Variants in YAP1 observed in about 807,000 individuals in gnomAD.
The protein encoded by YAP1 is transcriptional coactivator YAP1.
A neutral mutation model predicts 56.9 loss-of-function variants in YAP1; 5 were observed. The ratio of observed to expected loss-of-function variants is 0.09; its 90% CI spans 0.05 to 0.18. The LOEUF (loss-of-function observed/expected upper bound fraction) is 0.18, where lower values mean the gene tolerates loss of function less well. Among genes scored for constraint, YAP1 ranks in the 10% least tolerant of loss-of-function variants. The probability of loss-of-function intolerance (pLI) is 1.00; values close to 1 mark genes in which losing one functional copy is unlikely to be tolerated. For synonymous variants in YAP1, 265 were observed against 248.1 expected (o/e 1.07, Z -0.64); for missense variants, 539 against 651.8 (o/e 0.83, Z 1.88).
intron 1 of YAP1, 71 bp from the exon 2 acceptor site, chr11:102,114,073 G>C: frequency 6.7e-7 from 1 of 1,485,166 alleles, no homozygotes; most frequent in South Asian, 1.4e-5. Flanking sequence ...ATTAAGCGCT[G>C]ACTGGGAAAT....
chr11:102,229,145 G>T (rs1762222003), intron 8 of YAP1, among the ~76,000 whole-genome samples: 1 of 152,240 alleles, frequency 6.6e-6, no homozygotes, highest in African/African-American at 2.4e-5. Context: ...GGCCAAGTAA[G>T]TTTGGGAAAC....
intron 1 of YAP1, 33 bp downstream of exon 1, chr11:102,111,202 T>C (rs1473133242): frequency 5.0e-6 from 8 of 1,605,974 alleles, no homozygotes; most frequent in South Asian, 1.1e-5. Flanking sequence ...CGTTTCCCCG[T>C]CGGGCGGGCC....
chr11:102,220,847 G>A (rs1011243603), intron 6 of YAP1, among the ~76,000 whole-genome samples: 16 of 152,294 alleles, frequency 1.1e-4, no homozygotes, highest in Admixed American at 7.8e-4. Context: ...GTATCATTTC[G>A]GTGTAAAGGC....
chr11:102,120,023 T>G (rs1381552100), intron 2 of YAP1, among the ~76,000 whole-genome samples: 1 of 152,206 alleles, frequency 6.6e-6, no homozygotes, highest in Non-Finnish European at 1.5e-5. Flanking sequence ...AAGAGCTGTG[T>G]CGTTCTATAA....
At chr11:102,123,715 C>CT (rs1490687247) in intron 2 of YAP1, among the ~76,000 whole-genome samples, 2 of 146,604 alleles carry the variant, frequency 1.4e-5, no homozygotes, top group East Asian at 4.2e-4. Context: ...TCTCGTCTCA[C>CT]TGCAAGCTCC....
Position 102,131,188 on chromosome 11 carries a change from C to G in YAP1, c.572+16794C>G, listed in dbSNP as rs575288906. ...ACTTGCTTTGATGTAGTTATAGTTT[C>G]TAAAACTGTAGCCCAAAAGAGTAGC... On this transcript the variant is annotated intron_variant, in intron 2 of 8. Coordinates refer to ENST00000282441, the MANE Select transcript of YAP1 (RefSeq NM_001130145.3). Among the ~76,000 whole-genome samples, 7 of 152,294 alleles carry G rather than the reference C, an allele frequency of 4.6e-5. No homozygotes were observed. In the South Asian group the frequency reaches 1.5e-3, roughly 32 times the overall value.
Position 102,183,815 on chromosome 11 carries a change from G to A in YAP1, c.689-2203G>A, listed in dbSNP as rs373346467. ...ATGAGGGCCGGGCGCGGTGGCTCACGCCTGTAATCCCAGCACTTTGGGAGG... is the reference window on the plus strand; with the variant it reads ...ATGAGGGCCGGGCGCGGTGGCTCACACCTGTAATCCCAGCACTTTGGGAGG... On this transcript the variant is annotated intron_variant, in intron 3 of 8. Coordinates refer to ENST00000282441, the MANE Select transcript of YAP1 (RefSeq NM_001130145.3). Among the ~76,000 whole-genome samples, 60 of 151,860 alleles carry A rather than the reference G, an allele frequency of 4.0e-4. No individual in the cohort carries two copies. In the East Asian group the frequency reaches 0.011, roughly 28 times the overall value.
chr11:102,162,309 G>C, intron 2 of YAP1, 147 bp from the exon 3 acceptor site: 1 of 608,778 alleles, frequency 1.6e-6, no homozygotes, highest in Non-Finnish European at 2.9e-6. Flanking sequence ...GTCTGTTGCA[G>C]AGGGAGGCTG....
At chr11:102,119,306 A>G (rs150070968) in intron 2 of YAP1, among the ~76,000 whole-genome samples, 42 of 152,216 alleles carry the variant, frequency 2.8e-4, no homozygotes, top group African/African-American at 8.2e-4. Context: ...GAACATAGAG[A>G]TTAACATATT....
chr11:102,164,069 ACTC>A (rs1041533680), intron 3 of YAP1, among the ~76,000 whole-genome samples: 2 of 148,214 alleles, frequency 1.3e-5, no homozygotes, highest in Admixed American at 1.4e-4. Context: ...ACGGAGTCTC[ACTC>A]TGTCACCCAG....
At chr11:102,112,485 T>G in intron 1 of YAP1, 5 of 984,018 alleles carry the variant, frequency 5.1e-6, no homozygotes, top group Non-Finnish European at 6.0e-6. Flanking sequence ...ATAGGAACTT[T>G]GCCCAAAAGT....
chr11:102,202,868 A>G (rs1265669684), intron 4 of YAP1, among the ~76,000 whole-genome samples: 1 of 152,186 alleles, frequency 6.6e-6, no homozygotes, highest in Non-Finnish European at 1.5e-5. Context: ...TAGTGCCACC[A>G]ATGAAGTATT....
chr11:102,221,856 T>C (rs1279123810), intron 6 of YAP1, among the ~76,000 whole-genome samples: 2 of 152,174 alleles, frequency 1.3e-5, no homozygotes, highest in African/African-American at 4.8e-5. Flanking sequence ...AACATTTATA[T>C]GTTCTATTGG....
At chr11:102,223,254 A>C (rs1313526655) in intron 6 of YAP1, among the ~76,000 whole-genome samples, 4 of 133,104 alleles carry the variant, frequency 3.0e-5, no homozygotes, top group Non-Finnish European at 4.7e-5. Context: ...CTTGAAGAAC[A>C]AAAAAAAAAA....
chr11:102,136,321 G>A (rs556879144), intron 2 of YAP1, among the ~76,000 whole-genome samples: 4 of 149,802 alleles, frequency 2.7e-5, no homozygotes, highest in African/African-American at 9.8e-5. Context: ...ATCCTTCCAT[G>A]TGCCTAGGAC....
intron 1 of YAP1, among the ~76,000 whole-genome samples, chr11:102,113,048 T>A (rs1349646593): frequency 3.3e-5 from 5 of 152,226 alleles, no homozygotes; most frequent in Non-Finnish European, 1.5e-5. Context: ...CGACTTTTAT[T>A]TCTCCTAATG....
intron 1 of YAP1, chr11:102,112,634 GT>G: frequency 1.0e-6 from 1 of 985,112 alleles, no homozygotes; most frequent in Middle Eastern, 5.2e-4. Flanking sequence ...AGACCAAAGG[GT>G]TTTGGAACTC....
intron 2 of YAP1, among the ~76,000 whole-genome samples, chr11:102,145,743 A>G (rs1162374111): frequency 1.3e-5 from 2 of 152,226 alleles, no homozygotes; most frequent in Non-Finnish European, 2.9e-5. Flanking sequence ...ACAAGTTTTC[A>G]TCTTATGGAC....
At chr11:102,121,554 C>T (rs900785111) in intron 2 of YAP1, among the ~76,000 whole-genome samples, 1 of 152,182 alleles carries the variant, frequency 6.6e-6, no homozygotes, top group Non-Finnish European at 1.5e-5. Context: ...TGTGAATCCT[C>T]TCTTTGGTCA....
Sources: allele counts gnomAD v4.1 joint callset (sites outside exome capture counted in the v4.1 genomes callset), GRCh38; gene constraint gnomAD v4.1.1; transcripts MANE v1.5; gene names NCBI Gene and HGNC (gene_info 2026-07-23, HGNC 2026-07-21).